ANKRD29: variants seen among roughly 807,000 people sequenced by gnomAD.
The protein encoded by ANKRD29 is ankyrin repeat domain 29.
A neutral mutation model predicts 38.0 loss-of-function variants in ANKRD29; 32 were observed. That is an observed-to-expected ratio of 0.84 (90% CI 0.64 to 1.13). ANKRD29 has a LOEUF of 1.13. Among genes scored for constraint, ANKRD29 ranks in the 50% most tolerant of loss-of-function variants. The pLI, the probability that ANKRD29 is intolerant of heterozygous loss-of-function variation, is 0.00. For missense variants in ANKRD29, 357 were observed against 377.9 expected, an observed-to-expected ratio of 0.94 and a Z score of 0.46; for synonymous variants, 135 against 152.4, an observed-to-expected ratio of 0.89 and a Z score of 0.84.
rs771671716 is a variant in ANKRD29, at chr18:23,634,117, C to A, written c.363G>T (p.Gln121His). 2.6e-5 allele frequency: 42 copies of A among 1,614,066 alleles called. No homozygotes were observed. In the Middle Eastern group the frequency reaches 1.2e-3, roughly 44 times the overall value. The change falls in exon 5 of 10, where the codon CAG becomes CAT. Residue 121 changes from glutamine to histidine, a missense_variant. By Grantham distance (24) the Gln-to-His change is conservative. Coordinates refer to ENST00000592179, the MANE Select transcript of ANKRD29 (RefSeq NM_173505.4). ...DGGTALLAAS[Q>H]YGHMQVVETL... ...TCTCCACCACCTGCATGTGCCCGTA[C>A]TGACTGGCAGCCAACAGGGCGGTGC...
Position 23,662,745 on chromosome 18 carries a change from G to T in ANKRD29, c.-15C>A. The T allele has an allele frequency of 1.4e-6, 2 of 1,462,454 alleles. No homozygotes were observed. The highest frequency in any genetic ancestry group is 3.0e-5 in the East Asian group (1 of 33,332). The allele number at this position is 1,462,454 out of a possible 1,614,324, so 90.6% of individuals were successfully genotyped here. A position where few individuals can be genotyped will look rare whatever the true frequency, so the allele number is the denominator to read the frequency against. On this transcript the variant is annotated 5_prime_UTR_variant, in exon 1 of 10. Coordinates refer to ENST00000592179, the MANE Select transcript of ANKRD29 (RefSeq NM_173505.4). The stretch of plus-strand genomic sequence containing the variant: ...ATCCTGCACATGTCCGCGGCCGCCC[G>T]AGCGGGAGCCGGCGCGCTTTGGGCC...
At chr18:23,651,487 T>C (rs531816074) in intron 1 of ANKRD29, among the ~76,000 whole-genome samples, 4 of 152,304 alleles carry the variant, frequency 2.6e-5, no homozygotes, top group African/African-American at 9.6e-5. Context: ...AACAAAGAGA[T>C]TGCACAAGGC....
At chr18:23,644,879 A>AT (rs1366130966) in intron 3 of ANKRD29, among the ~76,000 whole-genome samples, 4 of 152,066 alleles carry the variant, frequency 2.6e-5, no homozygotes, top group Non-Finnish European at 5.9e-5. Flanking sequence ...AAATTTTTAA[A>AT]TTTTTTTGTA....
chr18:23,627,850 A>C (rs1000316685), intron 6 of ANKRD29, among the ~76,000 whole-genome samples: 2 of 152,184 alleles, frequency 1.3e-5, no homozygotes, highest in African/African-American at 4.8e-5. Context: ...TCAATCAACA[A>C]TAACAAAATA....
At chr18:23,648,060 CGCT>C (rs2060162936) in intron 2 of ANKRD29, 1 of 152,346 alleles carries the variant, frequency 6.6e-6, no homozygotes, top group African/African-American at 2.4e-5. Context: ...AACAGTGGGG[CGCT>C]GCTGCCAGAC....
At position 23,635,652 on chromosome 18, in the gene ANKRD29, G is replaced by A. The variant is rs1167135934; in HGVS notation, c.331-1503C>T. Among the ~76,000 whole-genome samples the A allele has an allele frequency of 2.6e-5, 4 of 152,332 alleles. No individual in the cohort carries two copies. In the East Asian group the frequency reaches 5.8e-4, roughly 22 times the overall value. ...TAGTTTCTAAATTTGGGCATAAGGT[G>A]TTTATTCAAAATGCCTACTCATAGA... is the stretch of plus-strand genomic sequence containing the variant. On this transcript the variant is annotated intron_variant, in intron 4 of 9. Coordinates refer to ENST00000592179, the MANE Select transcript of ANKRD29 (RefSeq NM_173505.4).
chr18:23,633,760 G>A lies in ANKRD29; in HGVS notation c.429+291C>T, dbSNP rs992131664. The stretch of plus-strand genomic sequence containing the variant: ...TAAGTTTTGTATTTTTAGTAGAGCC[G>A]GGGTTTCACCATGTTGGCCAGGCTG... On this transcript the variant is annotated intron_variant, in intron 5 of 9. Coordinates refer to ENST00000592179, the MANE Select transcript of ANKRD29 (RefSeq NM_173505.4). Among the ~76,000 whole-genome samples the A allele has an allele frequency of 2.9e-4, 44 of 152,016 alleles. 1 individual carries two copies. The highest frequency in any genetic ancestry group is 1.0e-4 in the Non-Finnish European group (7 of 68,008).
rs201932265 is a variant in ANKRD29, at chr18:23,617,738, A to T, written c.717T>A (p.Ile239=). 6.2e-7 allele frequency: 1 copy of T among 1,613,504 alleles called. No individual in the cohort carries two copies. Among genetic ancestry groups the T allele is most frequent in the East Asian group, 2.2e-5 (1 of 44,866 alleles). The change falls in exon 8 of 10, where the codon ATT becomes ATA. Residue 239 remains isoleucine, a synonymous_variant. Coordinates refer to ENST00000592179, the MANE Select transcript of ANKRD29 (RefSeq NM_173505.4). ...ATTTATCTTTAGGTCTTACCTTCAA[A>T]ATACCAAGAGTGGGTGAGAATTTAA... ...ELLKFSPTLG[I]LKNGTSALHA...
chr18:23,638,633 C>T (rs918293231), intron 4 of ANKRD29, among the ~76,000 whole-genome samples: 1 of 152,104 alleles, frequency 6.6e-6, no homozygotes, highest in Non-Finnish European at 1.5e-5. Flanking sequence ...ATAAAATTTT[C>T]CAATTGTGAG....
intron 4 of ANKRD29, among the ~76,000 whole-genome samples, chr18:23,636,497 C>T (rs989817935): frequency 2.0e-5 from 3 of 152,094 alleles, no homozygotes; most frequent in African/African-American, 7.2e-5. Flanking sequence ...AACTCCTGGT[C>T]TCAAGCAATC....
Position 23,634,068 on chromosome 18 carries a change from T to A in ANKRD29, c.412A>T (p.Ile138Phe). 6.2e-7 allele frequency: 1 copy of A among 1,614,198 alleles called. No individual in the cohort carries two copies. Among genetic ancestry groups the A allele is most frequent in the Non-Finnish European group, 8.5e-7 (1 of 1,180,034 alleles). Reference protein sequence around the residue: ...VETLLKHGANIHDQLYDGATA... With the variant: ...VETLLKHGANFHDQLYDGATA... ...GCACTCACATAAAGTTGGTCATGGA[T>A]GTTTGCTCCGTGCTTCAGCAAGGTC... Residue 138 changes from isoleucine to phenylalanine, a missense_variant, in exon 5 of 10, where the codon ATC becomes TTC. Ile to Phe is a conservative substitution (Grantham distance 21, BLOSUM62 0). Coordinates refer to ENST00000592179, the MANE Select transcript of ANKRD29 (RefSeq NM_173505.4).
intron 5 of ANKRD29, 119 bp downstream of exon 5, chr18:23,633,932 G>A: frequency 1.0e-6 from 1 of 993,616 alleles, no homozygotes. Context: ...TCTTGACTCA[G>A]ACCCAAGTCC....
intron 3 of ANKRD29, among the ~76,000 whole-genome samples, chr18:23,642,844 C>CGGAT (rs1447757019): frequency 2.5e-4 from 38 of 152,300 alleles, no homozygotes; most frequent in Non-Finnish European, 4.4e-4. Context: ...AAAATCACAC[C>CGGAT]TGAAGGTGGA....
chr18:23,652,075 T>G (rs1051138276), intron 1 of ANKRD29, among the ~76,000 whole-genome samples: 4 of 152,268 alleles, frequency 2.6e-5, no homozygotes, highest in Admixed American at 2.6e-4. Context: ...AGTTCAGGGT[T>G]GGACATGGTG....
At chr18:23,619,287 C>T in intron 7 of ANKRD29, 2 of 476,266 alleles carry the variant, frequency 4.2e-6, no homozygotes, top group Non-Finnish European at 7.3e-6. Context: ...GGCGGGAGGC[C>T]CCGTCTCTAC....
At chr18:23,609,781 T>C (rs2059618021) in intron 9 of ANKRD29, among the ~76,000 whole-genome samples, 1 of 152,194 alleles carries the variant, frequency 6.6e-6, no homozygotes, top group Non-Finnish European at 1.5e-5. Context: ...CTTTAGGAAG[T>C]CTGTGCACAA....
intron 5 of ANKRD29, among the ~76,000 whole-genome samples, chr18:23,631,460 G>A (rs1425393499): frequency 6.7e-6 from 1 of 148,850 alleles, no homozygotes; most frequent in East Asian, 2.0e-4. Context: ...TGCCCAGGCT[G>A]GTCTCGAACT....
intron 9 of ANKRD29, 139 bp from the exon 10 acceptor site, chr18:23,601,448 G>T: frequency 1.6e-6 from 1 of 628,394 alleles, no homozygotes; most frequent in Non-Finnish European, 2.9e-6. Flanking sequence ...TTATATAAAG[G>T]TATTACAAAT....
chr18:23,652,018 A>G (rs779889973), intron 1 of ANKRD29, among the ~76,000 whole-genome samples: 9 of 152,160 alleles, frequency 5.9e-5, no homozygotes, highest in Non-Finnish European at 1.0e-4. Flanking sequence ...CCAATTCTTG[A>G]AGATTGGAAA....
Sources: gnomAD v4.1 joint callset for allele counts (sites outside exome capture counted in the v4.1 genomes callset) on GRCh38, gnomAD v4.1.1 for gene constraint, MANE v1.5 for transcripts, NCBI Gene and HGNC (gene_info 2026-07-23, HGNC 2026-07-21) for gene names.